The following SLC35F1 variants were observed in gnomAD, a reference collection of about 807,000 sequenced individuals.
SLC35F1 encodes solute carrier family 35 member F1.
A neutral mutation model predicts 48.7 loss-of-function variants in SLC35F1; 14 were observed. The ratio of observed to expected loss-of-function variants is 0.29; its 90% CI spans 0.19 to 0.45. The LOEUF is 0.45. Ranked by LOEUF, SLC35F1 falls within the 20% of genes least tolerant of loss-of-function variation. SLC35F1 has a pLI of 1.00. For synonymous variants in SLC35F1, 190 were observed against 202.2 expected (o/e 0.94, Z 0.51); for missense variants, 404 against 500.0 (o/e 0.81, Z 1.83).
intron 1 of SLC35F1, among the ~76,000 whole-genome samples, chr6:117,933,502 G>A (rs1024522027): frequency 1.3e-5 from 2 of 152,110 alleles, no homozygotes; most frequent in Non-Finnish European, 2.9e-5. Context: ...CTCCCAAAAA[G>A]AATAGTGGAG....
At chr6:118,056,993 A>G (rs1239481216) in intron 1 of SLC35F1, among the ~76,000 whole-genome samples, 1 of 152,130 alleles carries the variant, frequency 6.6e-6, no homozygotes, top group Non-Finnish European at 1.5e-5. Context: ...CAAGCAAACA[A>G]GGATAGTAAG....
At position 118,267,192 on chromosome 6, in the gene SLC35F1, C is replaced by T. The variant is rs201095320; in HGVS notation, c.637+38C>T. ...ATGTTCACCAGGTTCCTTACCTCTG[C>T]GGGTGAGGCCAAGGCAAGAAATGGA... On this transcript the variant is annotated intron_variant, in intron 4 of 7. Coordinates refer to ENST00000360388, the MANE Select transcript of SLC35F1 (RefSeq NM_001029858.4). 1.9e-5 allele frequency: 31 copies of T among 1,608,960 alleles called. 1 individual carries two copies. The highest frequency in any genetic ancestry group is 8.0e-5 in the African/African-American group (6 of 74,882).
chr6:118,267,493 G>T (rs1282795618), intron 4 of SLC35F1, among the ~76,000 whole-genome samples: 2 of 152,180 alleles, frequency 1.3e-5, no homozygotes, highest in Non-Finnish European at 2.9e-5. Context: ...CCCAAGCCCT[G>T]GTCCTTGGTA....
At chr6:117,910,152 T>C (rs181250328) in intron 1 of SLC35F1, among the ~76,000 whole-genome samples, 94 of 152,360 alleles carry the variant, frequency 6.2e-4, no homozygotes, top group African/African-American at 2.2e-3. Context: ...TTTAGCATGC[T>C]GATGGGCTTG....
At chr6:118,288,968 G>A (rs444666) in intron 7 of SLC35F1, among the ~76,000 whole-genome samples, 14,632 of 152,062 alleles carry the variant, frequency 0.096, 839 homozygotes, top group African/African-American at 0.15. Flanking sequence ...ATCAGCACAG[G>A]GATTGCTCAT....
intron 1 of SLC35F1, among the ~76,000 whole-genome samples, chr6:117,931,796 C>T (rs144724057): frequency 6.2e-4 from 94 of 152,340 alleles, no homozygotes; most frequent in African/African-American, 2.2e-3. Flanking sequence ...GGAACTACTG[C>T]AGCCAGTTGC....
intron 1 of SLC35F1, among the ~76,000 whole-genome samples, chr6:118,007,694 A>G (rs972060797): frequency 6.6e-6 from 1 of 152,188 alleles, no homozygotes; most frequent in Non-Finnish European, 1.5e-5. Flanking sequence ...TTTGAAACAA[A>G]CACCCATTTA....
chr6:117,994,551 G>A (rs1776960579), intron 1 of SLC35F1, among the ~76,000 whole-genome samples: 1 of 152,108 alleles, frequency 6.6e-6, no homozygotes. Context: ...TATGAGACAG[G>A]TACTATTAAT....
At chr6:118,048,116 C>T (rs930063012) in intron 1 of SLC35F1, among the ~76,000 whole-genome samples, 4 of 152,056 alleles carry the variant, frequency 2.6e-5, no homozygotes, top group African/African-American at 9.7e-5. Context: ...TGTCAAAGGC[C>T]TTTTCTGCAT....
intron 2 of SLC35F1, among the ~76,000 whole-genome samples, chr6:118,161,748 A>G (rs985912270): frequency 6.6e-6 from 1 of 152,212 alleles, no homozygotes; most frequent in South Asian, 2.1e-4. Context: ...ATTATGCTTC[A>G]TGGGAATTAT....
rs527748069 is a variant in SLC35F1 at position 118,101,811 on chromosome 6, A to G, written c.174-52634A>G. 1.3e-3 allele frequency among the ~76,000 whole-genome samples: 205 copies of G among 152,364 alleles called. 1 individual carries two copies. Among genetic ancestry groups the G allele is most frequent in the Middle Eastern group, 6.8e-3 (2 of 294 alleles). ...GACTTGCTGTTATTAAAATATGTGC[A>G]TTACATACTGTGTTTATAATTTACT... On this transcript the variant is annotated intron_variant, in intron 1 of 7. Coordinates refer to ENST00000360388, the MANE Select transcript of SLC35F1 (RefSeq NM_001029858.4).
chr6:117,973,701 A>G (rs2114844989), intron 1 of SLC35F1, among the ~76,000 whole-genome samples: 2 of 152,216 alleles, frequency 1.3e-5, no homozygotes, highest in South Asian at 4.2e-4. Flanking sequence ...ACCTGGGAAT[A>G]TAATCTTGTA....
Position 118,142,918 on chromosome 6 carries a change from T to C in SLC35F1, c.174-11527T>C, listed in dbSNP as rs150433831. Among the ~76,000 whole-genome samples, 79 of 152,314 alleles carry C rather than the reference T, an allele frequency of 5.2e-4. 1 individual carries two copies. Among genetic ancestry groups the C allele is most frequent in the African/African-American group, 1.9e-3 (77 of 41,572 alleles). On this transcript the variant is annotated intron_variant, in intron 1 of 7. Coordinates refer to ENST00000360388, the MANE Select transcript of SLC35F1 (RefSeq NM_001029858.4). The stretch of plus-strand genomic sequence containing the variant: ...CTTGAAAGCAAAGGCCAGATATCTT[T>C]GTCTTCTAAAATGAGGCATAACTCT...
chr6:118,017,599 T>C (rs1427071323), intron 1 of SLC35F1, among the ~76,000 whole-genome samples: 1 of 152,200 alleles, frequency 6.6e-6, no homozygotes, highest in African/African-American at 2.4e-5. Flanking sequence ...TCGTACTAAT[T>C]ATGTTTCTGT....
chr6:118,142,556 T>G (rs1024327130), intron 1 of SLC35F1, among the ~76,000 whole-genome samples: 3 of 118,074 alleles, frequency 2.5e-5, no homozygotes, highest in Non-Finnish European at 6.3e-5. Flanking sequence ...AACAGAATTA[T>G]ATTTATTCAT....
chr6:117,917,628 T>G (rs1234873980), intron 1 of SLC35F1, among the ~76,000 whole-genome samples: 1 of 151,820 alleles, frequency 6.6e-6, no homozygotes, highest in Non-Finnish European at 1.5e-5. Context: ...TTTTCTAAGG[T>G]GGGAAAGACT....
intron 2 of SLC35F1, among the ~76,000 whole-genome samples, chr6:118,162,961 C>CTTT (rs574750899): frequency 5.4e-4 from 77 of 143,406 alleles, no homozygotes; most frequent in Middle Eastern, 3.7e-3. Context: ...TCTTTTCTTT[C>CTTT]TTTTTTTTTT....
intron 7 of SLC35F1, among the ~76,000 whole-genome samples, chr6:118,301,502 T>A (rs1776254592): frequency 6.6e-6 from 1 of 152,166 alleles, no homozygotes; most frequent in African/African-American, 2.4e-5. Flanking sequence ...TATGAAGGAA[T>A]GGAACTCACA....
At chr6:117,941,370 A>G (rs891035568) in intron 1 of SLC35F1, among the ~76,000 whole-genome samples, 2 of 152,190 alleles carry the variant, frequency 1.3e-5, no homozygotes, top group Admixed American at 1.3e-4. Flanking sequence ...GTGTACATTC[A>G]TGGTAAAGCT....
Sources: gnomAD v4.1 joint callset for allele counts (sites outside exome capture counted in the v4.1 genomes callset) on GRCh38, gnomAD v4.1.1 for gene constraint, MANE v1.5 for transcripts, NCBI Gene and HGNC (gene_info 2026-07-23, HGNC 2026-07-21) for gene names.